RERE: variants seen among roughly 807,000 people sequenced by gnomAD.
The protein encoded by RERE is arginine-glutamic acid dipeptide repeats.
A neutral mutation model predicts 146.1 loss-of-function variants in RERE; 40 were observed. The observed-to-expected ratio is 0.27, with a 90% CI of 0.21 to 0.36. RERE has a LOEUF of 0.36. Ranked by LOEUF, RERE falls within the 10% of genes least tolerant of loss-of-function variation. RERE has a pLI of 1.00. For synonymous variants in RERE, 1,003 were observed against 866.0 expected (o/e 1.16, Z -2.78); for missense variants, 1,933 against 2,138.7 (o/e 0.90, Z 1.90).
intron 1 of RERE, among the ~76,000 whole-genome samples, chr1:8,777,888 G>GT (rs1326767481): frequency 4.7e-5 from 6 of 126,318 alleles, no homozygotes; most frequent in African/African-American, 1.4e-4. Flanking sequence ...AAAGTATATG[G>GT]TTAAAAAAAA....
intron 12 of RERE, among the ~76,000 whole-genome samples, chr1:8,375,972 C>T (rs1243754152): frequency 6.6e-6 from 1 of 152,132 alleles, no homozygotes; most frequent in African/African-American, 2.4e-5. Flanking sequence ...ATTTTATCTT[C>T]ACAGACTCCC....
At position 8,360,817 on chromosome 1, in the gene RERE, G is replaced by A; in HGVS notation, c.2690C>T (p.Ser897Phe). The A allele has an allele frequency of 3.2e-6, 5 of 1,562,828 alleles. No individual in the cohort carries two copies. Among genetic ancestry groups the A allele is most frequent in the Non-Finnish European group, 3.4e-6 (4 of 1,159,998 alleles). Reference sequence around the variant, plus strand: ...TGACTGAGAGGCTGGCAGCTGCAGGGAGGTGTGAGGGTACGCTGCTGCTGG... The same window carrying A: ...TGACTGAGAGGCTGGCAGCTGCAGGAAGGTGTGAGGGTACGCTGCTGCTGG... ...TSPAAAYPHT[S>F]LQLPASQSAL... Residue 897 changes from serine to phenylalanine, a missense_variant, in exon 18 of 23, where the codon TCC becomes TTC. Ser to Phe is a radical substitution (Grantham distance 155, BLOSUM62 -2). Around this residue, in one of 11 missense-constraint regions of RERE, gnomAD observed 1,255 missense variants for 1,153.8 expected, o/e 1.09. Transcript: ENST00000400908.
intron 1 of RERE, among the ~76,000 whole-genome samples, chr1:8,768,863 A>G (rs1050751709): frequency 3.3e-5 from 5 of 152,238 alleles, no homozygotes; most frequent in African/African-American, 1.2e-4. Context: ...TCACACCCCA[A>G]GTTCCAAGAG....
chr1:8,685,298 G>A (rs1378748972), intron 1 of RERE, among the ~76,000 whole-genome samples: 1 of 152,238 alleles, frequency 6.6e-6, no homozygotes, highest in Non-Finnish European at 1.5e-5. Context: ...ATAACGGTAA[G>A]TAAAATATTT....
intron 1 of RERE, among the ~76,000 whole-genome samples, chr1:8,723,358 T>C (rs1639899797): frequency 6.6e-6 from 1 of 152,184 alleles, no homozygotes; most frequent in African/African-American, 2.4e-5. Flanking sequence ...GCAATTTTTT[T>C]CCCTCTAAAC....
chr1:8,501,277 C>T (rs1645148102), intron 8 of RERE, among the ~76,000 whole-genome samples: 1 of 134,198 alleles, frequency 7.5e-6, no homozygotes, highest in Non-Finnish European at 1.6e-5. Context: ...CCGGTCGCCC[C>T]TACCGGGAAG....
chr1:8,492,049 G>A (rs1180023392), intron 10 of RERE, among the ~76,000 whole-genome samples: 2 of 152,004 alleles, frequency 1.3e-5, no homozygotes, highest in African/African-American at 2.4e-5. Flanking sequence ...TGAAGTTTTC[G>A]GAGTCAGTTC....
chr1:8,734,172 T>A (rs11804956), intron 1 of RERE, among the ~76,000 whole-genome samples: 3,901 of 152,304 alleles, frequency 0.026, 147 homozygotes, highest in African/African-American at 0.089. Flanking sequence ...CTTCTTGCCT[T>A]TACTTTGATA....
chr1:8,498,824 A>C (rs958829815), intron 8 of RERE, among the ~76,000 whole-genome samples: 3 of 149,634 alleles, frequency 2.0e-5, no homozygotes, highest in Non-Finnish European at 3.0e-5. Context: ...TTTCTTTACG[A>C]AAGAAGGAAT....
intron 1 of RERE, among the ~76,000 whole-genome samples, chr1:8,712,564 T>C (rs1050363462): frequency 6.6e-6 from 1 of 152,146 alleles, no homozygotes; most frequent in Non-Finnish European, 1.5e-5. Context: ...CTTCACAATC[T>C]CTCCAGAATA....
chr1:8,486,156 A>C (rs1644896131), intron 10 of RERE, among the ~76,000 whole-genome samples: 1 of 152,090 alleles, frequency 6.6e-6, no homozygotes, highest in African/African-American at 2.4e-5. Context: ...CTAGGTGATA[A>C]AAAAAATTAG....
chr1:8,726,126 C>T (rs181421664), intron 1 of RERE, among the ~76,000 whole-genome samples: 1 of 147,534 alleles, frequency 6.8e-6, no homozygotes, highest in African/African-American at 2.6e-5. Flanking sequence ...TAAGGGAATT[C>T]CAGTTTTCCT....
In RERE at chr1:8,518,613, G is replaced by GA. The variant is rs148477776; in HGVS notation, c.831-9939dup. Among the ~76,000 whole-genome samples, 1,173 of 152,260 alleles carry GA rather than the reference G, an allele frequency of 7.7e-3. 17 individuals are homozygous for GA. The highest frequency in any genetic ancestry group is 0.027 in the African/African-American group (1,137 of 41,530). On this transcript the variant is annotated intron_variant, in intron 7 of 22. Coordinates refer to ENST00000400908, the MANE Select transcript of RERE (RefSeq NM_001042681.2). ...AAGAAAACCAAAAGGCAATTTATCAGAATCACTTTTTTAGATGGATTGTGA... is the reference window on the plus strand; with the variant it reads ...AAGAAAACCAAAAGGCAATTTATCAGAAATCACTTTTTTAGATGGATTGTGA...
At chr1:8,774,957 T>C (rs1641035394) in intron 1 of RERE, among the ~76,000 whole-genome samples, 1 of 125,962 alleles carries the variant, frequency 7.9e-6, no homozygotes, top group African/African-American at 3.3e-5. Flanking sequence ...CTTTCTTTTT[T>C]TTTTTTTTTT....
intron 11 of RERE, among the ~76,000 whole-genome samples, chr1:8,460,982 C>A (rs1220507847): frequency 6.6e-6 from 1 of 152,132 alleles, no homozygotes; most frequent in Non-Finnish European, 1.5e-5. Context: ...ATTAAGAGCA[C>A]AGCATCAAGC....
chr1:8,411,079 G>C (rs1318760448), intron 12 of RERE, among the ~76,000 whole-genome samples: 2 of 152,112 alleles, frequency 1.3e-5, no homozygotes, highest in East Asian at 3.9e-4. Flanking sequence ...ATAATAACTA[G>C]AACAGAGTAC....
At chr1:8,447,366 G>A (rs1268139663) in intron 11 of RERE, among the ~76,000 whole-genome samples, 1 of 152,114 alleles carries the variant, frequency 6.6e-6, no homozygotes, top group East Asian at 1.9e-4. Context: ...CTTTGAAGGA[G>A]AAGAGGCGTT....
At chr1:8,736,139 G>C (rs993200025) in intron 1 of RERE, among the ~76,000 whole-genome samples, 2 of 152,064 alleles carry the variant, frequency 1.3e-5, no homozygotes, top group African/African-American at 4.8e-5. Flanking sequence ...TGAGTGCAGG[G>C]GTGCTCTCAC....
At chr1:8,382,384 C>A (rs1398491458) in intron 12 of RERE, among the ~76,000 whole-genome samples, 1 of 152,266 alleles carries the variant, frequency 6.6e-6, no homozygotes, top group Admixed American at 6.5e-5. Context: ...CTCTCAGCTG[C>A]CTCCACATGA....
Sources: gnomAD v4.1 joint callset for allele counts (sites outside exome capture counted in the v4.1 genomes callset) on GRCh38, gnomAD v4.1.1 for gene constraint, gnomAD v4.1.1 regional missense constraint, MANE v1.5 for transcripts, NCBI Gene and HGNC (gene_info 2026-07-23, HGNC 2026-07-21) for gene names.